MSANTD3: variants seen among roughly 807,000 people sequenced by gnomAD.
MSANTD3 encodes the protein myb/SANT-like DNA-binding domain-containing protein 3.
A neutral mutation model predicts 27.7 loss-of-function variants in MSANTD3; 11 were observed. The ratio of observed to expected loss-of-function variants is 0.40; its 90% CI spans 0.25 to 0.66. The LOEUF is 0.66. Among genes scored for constraint, MSANTD3 ranks in the 30% least tolerant of loss-of-function variants. MSANTD3 has a pLI of 0.41. For synonymous variants in MSANTD3, 131 were observed against 127.2 expected, an observed-to-expected ratio of 1.03 and a Z score of -0.20; for missense variants, 250 against 336.5, an observed-to-expected ratio of 0.74 and a Z score of 2.01.
chr9:100,427,608 G>T (rs2118157610), intron 1 of MSANTD3: 1 of 152,262 alleles, frequency 6.6e-6, no homozygotes, highest in Admixed American at 6.5e-5. Flanking sequence ...AAGCCCCGGG[G>T]CGCGGGCCTC....
intron 1 of MSANTD3, 125 bp downstream of exon 1, chr9:100,427,518 G>A (rs1418198509): frequency 6.6e-6 from 1 of 151,392 alleles, no homozygotes; most frequent in Non-Finnish European, 1.5e-5. Context: ...TGCGACCCCG[G>A]CCTTGCAGGC....
intron 2 of MSANTD3, 88 bp downstream of exon 2, chr9:100,442,444 C>G: frequency 1.3e-6 from 2 of 1,496,570 alleles, no homozygotes; most frequent in Non-Finnish European, 8.8e-7. Context: ...GAGGGAACTT[C>G]TAAAAATGAA....
At chr9:100,435,604 C>T (rs1171184435) in intron 1 of MSANTD3, among the ~76,000 whole-genome samples, 1 of 152,188 alleles carries the variant, frequency 6.6e-6, no homozygotes, top group African/African-American at 2.4e-5. Context: ...AAGGTGTTGG[C>T]AAGTTAGATT....
intron 1 of MSANTD3, among the ~76,000 whole-genome samples, chr9:100,431,505 G>A (rs1836376448): frequency 6.7e-6 from 1 of 150,360 alleles, no homozygotes; most frequent in South Asian, 2.1e-4. Context: ...GTATCACTGT[G>A]TTGCCCAGGC....
At chr9:100,442,487 A>G (rs1183983917) in intron 2 of MSANTD3, 131 bp downstream of exon 2, 5 of 1,390,904 alleles carry the variant, frequency 3.6e-6, no homozygotes, top group Non-Finnish European at 4.7e-6. Context: ...TCCTAATTCA[A>G]GATCTCAGGA....
chr9:100,431,164 G>A (rs1428955729), intron 1 of MSANTD3, among the ~76,000 whole-genome samples: 1 of 151,862 alleles, frequency 6.6e-6, no homozygotes, highest in East Asian at 1.9e-4. Context: ...CATGATACCT[G>A]GCTAATTTTG....
At chr9:100,434,963 C>T (rs996066672) in intron 1 of MSANTD3, among the ~76,000 whole-genome samples, 2 of 147,060 alleles carry the variant, frequency 1.4e-5, no homozygotes, top group Non-Finnish European at 3.0e-5. Flanking sequence ...TATATACACA[C>T]ACACCATACA....
chr9:100,432,243 T>A (rs1203463126), intron 1 of MSANTD3, among the ~76,000 whole-genome samples: 4 of 152,092 alleles, frequency 2.6e-5, no homozygotes, highest in African/African-American at 9.7e-5. Context: ...TAGGCTTGAC[T>A]GGAAAGCTCT....
chr9:100,438,615 T>C (rs1836533640), intron 1 of MSANTD3, among the ~76,000 whole-genome samples: 1 of 152,178 alleles, frequency 6.6e-6, no homozygotes, highest in South Asian at 2.1e-4. Context: ...GGTTAGGGAA[T>C]TGGATCAGAA....
intron 2 of MSANTD3, among the ~76,000 whole-genome samples, chr9:100,443,812 A>T (rs1280355415): frequency 2.6e-5 from 4 of 152,188 alleles, no homozygotes; most frequent in Non-Finnish European, 5.9e-5. Context: ...TTTATATAAA[A>T]ATTAATTGCA....
intron 1 of MSANTD3, among the ~76,000 whole-genome samples, chr9:100,430,275 C>T (rs1298217890): frequency 7.0e-6 from 1 of 143,726 alleles, no homozygotes; most frequent in East Asian, 2.1e-4. Flanking sequence ...GGGCCGGGCG[C>T]GGTGGCTCAC....
At chr9:100,444,189 G>T (rs1269142810) in intron 2 of MSANTD3, 1 of 152,176 alleles carries the variant, frequency 6.6e-6, no homozygotes, top group East Asian at 1.9e-4. Context: ...TTTGACCAAG[G>T]TTAAGTCCAG....
At chr9:100,445,084 C>G in intron 2 of MSANTD3, 2 of 770,298 alleles carry the variant, frequency 2.6e-6, no homozygotes, top group Non-Finnish European at 2.2e-6. Flanking sequence ...CAAAGGTAAT[C>G]TGTTAATACT....
chr9:100,434,511 CAG>C (rs1836435167), intron 1 of MSANTD3, among the ~76,000 whole-genome samples: 1 of 152,082 alleles, frequency 6.6e-6, no homozygotes, highest in Non-Finnish European at 1.5e-5. Context: ...GCCTGGGCGA[CAG>C]AGCTAGACTC....
At chr9:100,441,544 C>T (rs148457530) in intron 1 of MSANTD3, among the ~76,000 whole-genome samples, 4,096 of 152,112 alleles carry the variant, frequency 0.027, 169 homozygotes, top group African/African-American at 0.093. Flanking sequence ...GAGGCTGAGG[C>T]AGGAGAATTG....
intron 1 of MSANTD3, among the ~76,000 whole-genome samples, chr9:100,430,203 G>C (rs1836338865): frequency 2.0e-5 from 3 of 151,810 alleles, no homozygotes; most frequent in African/African-American, 4.8e-5. Flanking sequence ...TAACAGACTG[G>C]GTATTAATTG....
At chr9:100,437,152 C>G (rs1486963143) in intron 1 of MSANTD3, among the ~76,000 whole-genome samples, 2 of 152,046 alleles carry the variant, frequency 1.3e-5, no homozygotes, top group African/African-American at 4.8e-5. Flanking sequence ...TTTCAGAGCT[C>G]TGGTTAGAGT....
At chr9:100,446,821 C>T (rs1442795767) in intron 2 of MSANTD3, among the ~76,000 whole-genome samples, 5 of 136,258 alleles carry the variant, frequency 3.7e-5, no homozygotes, top group East Asian at 2.1e-4. Context: ...AGCCAGACTT[C>T]GTCTAAAAAA....
chr9:100,445,125 C>A, intron 2 of MSANTD3: 2 of 1,234,186 alleles, frequency 1.6e-6, no homozygotes, highest in Non-Finnish European at 2.4e-6. Context: ...TCTTTCTATA[C>A]AGTAAAACAA....
Sources: allele counts gnomAD v4.1 joint callset (sites outside exome capture counted in the v4.1 genomes callset), GRCh38; gene constraint gnomAD v4.1.1; transcripts MANE v1.5; gene names NCBI Gene and HGNC (gene_info 2026-07-23, HGNC 2026-07-21).